Variants in IL15RA observed in about 807,000 individuals in gnomAD.
The protein encoded by IL15RA is interleukin 15 receptor subunit alpha, also known as interleukin-15 receptor subunit alpha.
Under a neutral mutation model 24.2 loss-of-function variants are expected in IL15RA, and 26 were observed. The ratio of observed to expected loss-of-function variants is 1.07; its 90% CI spans 0.79 to 1.49. The LOEUF (loss-of-function observed/expected upper bound fraction) is 1.49, where lower values mean the gene tolerates loss of function less well. Among genes scored for constraint, IL15RA ranks in the 40% most tolerant of loss-of-function variants. The probability of loss-of-function intolerance (pLI) is 0.00; values close to 1 mark genes in which losing one functional copy is unlikely to be tolerated. For synonymous variants in IL15RA, 166 were observed against 157.6 expected (o/e 1.05, Z -0.40); for missense variants, 354 against 356.4 (o/e 0.99, Z 0.05).
intron 1 of IL15RA, 53 bp downstream of exon 1, chr10:5,977,352 G>T: frequency 2.2e-6 from 2 of 896,440 alleles, no homozygotes; most frequent in African/African-American, 1.8e-5. Flanking sequence ...CCAGCTCCAC[G>T]TCCCGGCCCC....
Position 5,968,796 on chromosome 10 carries a change from C to T in IL15RA, c.89-2457G>A, listed in dbSNP as rs559277033. 687 of 713,560 alleles carry T rather than the reference C, an allele frequency of 9.6e-4. 1 individual carries two copies. Among genetic ancestry groups the T allele is most frequent in the Middle Eastern group, 8.9e-3 (39 of 4,396 alleles). 44.2% of individuals were successfully genotyped at this position (713,560 alleles called of 1,614,324 possible). A position where few individuals can be genotyped will look rare whatever the true frequency, so the allele number is the denominator to read the frequency against. On this transcript the variant is annotated intron_variant, in intron 1 of 6. Transcript: ENST00000379977. This position sits in a 1 kb window ranked among gnomAD's most constrained non-coding sequence, Gnocchi z 5.4. ...GCTACCTGCTTGCTGCCTGCTTGTC[C>T]GATGGTGGTGGCACTGGGGGCAGTT...
upstream of IL15RA, among the ~76,000 whole-genome samples, chr10:5,978,637 T>C (rs562835029): frequency 6.6e-6 from 1 of 152,320 alleles, no homozygotes; most frequent in African/African-American, 2.4e-5. The surrounding 1 kb of genome is among the most constrained non-coding windows in gnomAD (Gnocchi z 5.2). Context: ...TGGCCACTCC[T>C]GAAATCCAAG....
At position 5,977,485 on chromosome 10, in the gene IL15RA, G is replaced by T; in HGVS notation, c.8C>A (p.Pro3Gln). 1 of 1,356,218 alleles carries T rather than the reference G, an allele frequency of 7.4e-7. No homozygotes were observed. Among genetic ancestry groups the T allele is most frequent in the Non-Finnish European group, 9.5e-7 (1 of 1,056,070 alleles). The allele number at this position is 1,356,218 out of a possible 1,614,324, so 84.0% of individuals were successfully genotyped here. MA[P>Q]RRARGCRTLG... Reference sequence around the variant, plus strand: ...GGTCCGGCAGCCGCGCGCCCGCCGCGGGGCCATGGCGGCAGCTCCACAGGA... The same window carrying T: ...GGTCCGGCAGCCGCGCGCCCGCCGCTGGGCCATGGCGGCAGCTCCACAGGA... Residue 3 changes from proline (P) to glutamine (Q), a missense_variant, in exon 1 of 7, where the codon CCG becomes CAG. Transcript: ENST00000379977.
rs1837572565 is a variant in IL15RA at position 5,971,330 on chromosome 10, TACA to T, written c.89-4994_89-4992del. The stretch of plus-strand genomic sequence containing the variant: ...AACTCTGAAGTAGCCAAAAAACATA[TACA>T]ACAAGTCCTAACGATCATTTAAATG... On this transcript the variant is annotated intron_variant, in intron 1 of 6. Transcript: ENST00000379977. The surrounding 1 kb of genome is among the most constrained non-coding windows in gnomAD (Gnocchi z 5.5). Among the ~76,000 whole-genome samples, 1 of 152,194 alleles carries T rather than the reference TACA, an allele frequency of 6.6e-6. No homozygotes were observed. The highest frequency in any genetic ancestry group is 2.1e-4 in the South Asian group (1 of 4,830).
At position 5,975,263 on chromosome 10, in the gene IL15RA, G is replaced by T. The variant is rs1838243719; in HGVS notation, c.88+2142C>A. 6.6e-6 allele frequency among the ~76,000 whole-genome samples: 1 copy of T among 152,176 alleles called. No homozygotes were observed. The highest frequency in any genetic ancestry group is 2.1e-4 in the South Asian group (1 of 4,830). The stretch of plus-strand genomic sequence containing the variant: ...CTACTACTCAATGGTAGAAACTAAT[G>T]AACTACTTATACAAATTACAACATG... On this transcript the variant is annotated intron_variant, in intron 1 of 6. Coordinates refer to ENST00000379977, the MANE Select transcript of IL15RA (RefSeq NM_002189.4). The surrounding 1 kb of genome is among the most constrained non-coding windows in gnomAD (Gnocchi z 4.8).
chr10:5,968,501 G>A lies in IL15RA; in HGVS notation c.89-2162C>T. ...CCGCCACTACTCCCCATTCCAATGA[G>A]GACACATCTTCTGCTAAGCTGATGG... On this transcript the variant is annotated intron_variant, in intron 1 of 6. Transcript: ENST00000379977. The surrounding 1 kb of genome is among the most constrained non-coding windows in gnomAD (Gnocchi z 5.4). 2.2e-6 allele frequency: 1 copy of A among 457,076 alleles called. No individual in the cohort carries two copies. The highest frequency in any genetic ancestry group is 4.0e-6 in the Non-Finnish European group (1 of 250,146). The allele number at this position is 457,076 out of a possible 1,614,324, so 28.3% of individuals were successfully genotyped here.
Position 5,977,497 on chromosome 10 carries a change from G to T in IL15RA, c.-5C>A. ...GCGCGCCCGCCGCGGGGCCATGGCG[G>T]CAGCTCCACAGGACACCGCTGGACT... On this transcript the variant is annotated 5_prime_UTR_variant, in exon 1 of 7. Transcript: ENST00000379977. 7.4e-6 allele frequency: 10 copies of T among 1,351,074 alleles called. No individual in the cohort carries two copies. The highest frequency in any genetic ancestry group is 9.5e-6 in the Non-Finnish European group (10 of 1,053,142). The allele number at this position is 1,351,074 out of a possible 1,614,324, so 83.7% of individuals were successfully genotyped here.
rs187222335 is a variant in IL15RA at position 5,961,071 on chromosome 10, C to T, written c.383-504G>A. Among the ~76,000 whole-genome samples, 15 of 152,266 alleles carry T rather than the reference C, an allele frequency of 9.9e-5. No homozygotes were observed. Among genetic ancestry groups the T allele is most frequent in the Middle Eastern group, 3.4e-3 (1 of 294 alleles). ...CTGGAATTACAGGTGTCCACCACCA[C>T]GCCCAGCTAATTTTTGTATTTTTAA... is the stretch of plus-strand genomic sequence containing the variant. On this transcript the variant is annotated intron_variant, in intron 3 of 6. Coordinates refer to ENST00000379977, the MANE Select transcript of IL15RA (RefSeq NM_002189.4). This position sits in a 1 kb window ranked among gnomAD's most constrained non-coding sequence, Gnocchi z 5.2.
chr10:5,963,852 G>T lies in IL15RA; in HGVS notation c.284-11C>A, dbSNP rs1422563419. 6.5e-7 allele frequency: 1 copy of T among 1,539,186 alleles called. No individual in the cohort carries two copies. Among genetic ancestry groups the T allele is most frequent in the Middle Eastern group, 1.7e-4 (1 of 5,926 alleles). On this transcript the variant is annotated splice_polypyrimidine_tract_variant and intron_variant, in intron 2 of 6. Transcript: ENST00000379977. The surrounding 1 kb of genome is among the most constrained non-coding windows in gnomAD (Gnocchi z 5.3). ...CCAGGGCAGGGTCTCCTAGAGAGAG[G>T]ATAACCACATGGCACTTATGATCCT...
downstream of IL15RA, among the ~76,000 whole-genome samples, chr10:5,952,181 G>A (rs1318912489): frequency 6.6e-6 from 1 of 152,182 alleles, no homozygotes; most frequent in East Asian, 1.9e-4. Flanking sequence ...TTGCCACTGT[G>A]TGGATTAGAT....
rs965568915 is a variant in IL15RA at position 5,973,957 on chromosome 10, T to G, written c.88+3448A>C. 1.3e-5 allele frequency among the ~76,000 whole-genome samples: 2 copies of G among 151,420 alleles called. No individual in the cohort carries two copies. The highest frequency in any genetic ancestry group is 2.1e-4 in the South Asian group (1 of 4,808). On this transcript the variant is annotated intron_variant, in intron 1 of 6. Transcript: ENST00000379977. The surrounding 1 kb of genome is among the most constrained non-coding windows in gnomAD (Gnocchi z 4.5). ...CGTATCCAGAATATATAAAGAACTC[T>G]CAAAATTCAGTAATGATACAATTCA... is the stretch of plus-strand genomic sequence containing the variant.
In IL15RA at chr10:5,966,227, G is replaced by A. The variant is rs368368185; in HGVS notation, c.201C>T (p.Ala67=). 4.8e-5 allele frequency: 78 copies of A among 1,614,000 alleles called. No individual in the cohort carries two copies. Among genetic ancestry groups the A allele is most frequent in the South Asian group, 2.4e-4 (22 of 91,082 alleles). ...CGCACTCCGTCAGGCTGGACGTGCC[G>A]GCTTTACGCTTGAAACCAGAGTTAC... The part of the protein sequence containing the change: ...YICNSGFKRK[A]GTSSLTECVL... Residue 67 remains alanine, a synonymous_variant, in exon 2 of 7, where the codon GCC becomes GCT. Transcript: ENST00000379977. The surrounding 1 kb of genome is among the most constrained non-coding windows in gnomAD (Gnocchi z 6.4).
Position 5,963,692 on chromosome 10 carries a change from C to T in IL15RA, c.382+51G>A, listed in dbSNP as rs373144241. 1.6e-4 allele frequency: 198 copies of T among 1,226,146 alleles called. 1 individual carries two copies. Among genetic ancestry groups the T allele is most frequent in the Non-Finnish European group, 1.8e-4 (158 of 898,420 alleles). 76.0% of individuals were successfully genotyped at this position (1,226,146 alleles called of 1,614,324 possible). On this transcript the variant is annotated intron_variant, in intron 3 of 6. Transcript: ENST00000379977. The surrounding 1 kb of genome is among the most constrained non-coding windows in gnomAD (Gnocchi z 5.3). ...GTCTGCAGGATTGGTGAGCGGGCCT[C>T]TGGGTGTTGGGAGGGAATGAATGTC...
Position 5,955,259 on chromosome 10 carries a change from C to T in IL15RA, c.692+1120G>A, listed in dbSNP as rs1476690583. Among the ~76,000 whole-genome samples the T allele has an allele frequency of 6.6e-6, 1 of 151,992 alleles. No homozygotes were observed. ...GCATTACAGGCATGCACCACCATGG[C>T]CTGCTTATTTTGTATTTTTAGTAGA... On this transcript the variant is annotated intron_variant, in intron 6 of 6. Coordinates refer to ENST00000379977, the MANE Select transcript of IL15RA (RefSeq NM_002189.4). The surrounding 1 kb of genome is among the most constrained non-coding windows in gnomAD (Gnocchi z 5.3).
chr10:5,971,785 A>T lies in IL15RA; in HGVS notation c.89-5446T>A, dbSNP rs1445668814. On this transcript the variant is annotated intron_variant, in intron 1 of 6. Transcript: ENST00000379977. This position sits in a 1 kb window ranked among gnomAD's most constrained non-coding sequence, Gnocchi z 5.5. Reference sequence around the variant, plus strand: ...TCCTTTTGGAGTTCCCAAAAAGTACAGACTGTCTCCAGCTCACTGCCTGAA... The same window carrying T: ...TCCTTTTGGAGTTCCCAAAAAGTACTGACTGTCTCCAGCTCACTGCCTGAA... Among the ~76,000 whole-genome samples, 1 of 152,224 alleles carries T rather than the reference A, an allele frequency of 6.6e-6. No individual in the cohort carries two copies. Among genetic ancestry groups the T allele is most frequent in the Non-Finnish European group, 1.5e-5 (1 of 68,050 alleles).
chr10:5,956,462 G>C lies in IL15RA; in HGVS notation c.617-8C>G. Reference sequence around the variant, plus strand: ...TGGACGTGGAGATAGCCACTGAAAGGGAGGAGACCACGCTGAGATACCCAG... The same window carrying C: ...TGGACGTGGAGATAGCCACTGAAAGCGAGGAGACCACGCTGAGATACCCAG... On this transcript the variant is annotated splice_polypyrimidine_tract_variant and splice_region_variant and intron_variant, in intron 5 of 6. Transcript: ENST00000379977. 2 of 1,609,050 alleles carry C rather than the reference G, an allele frequency of 1.2e-6. No homozygotes were observed. Among genetic ancestry groups the C allele is most frequent in the Non-Finnish European group, 1.7e-6 (2 of 1,175,378 alleles).
rs1449119146 is a variant in IL15RA at position 5,956,467 on chromosome 10, A to C, written c.617-13T>G. On this transcript the variant is annotated splice_polypyrimidine_tract_variant and intron_variant, in intron 5 of 6. Coordinates refer to ENST00000379977, the MANE Select transcript of IL15RA (RefSeq NM_002189.4). ...GTGGAGATAGCCACTGAAAGGGAGGAGACCACGCTGAGATACCCAGAAGCA... is the reference window on the plus strand; with the variant it reads ...GTGGAGATAGCCACTGAAAGGGAGGCGACCACGCTGAGATACCCAGAAGCA... 5 of 1,603,800 alleles carry C rather than the reference A, an allele frequency of 3.1e-6. No individual in the cohort carries two copies. The highest frequency in any genetic ancestry group is 4.3e-6 in the Non-Finnish European group (5 of 1,170,610).
At position 5,964,761 on chromosome 10, in the gene IL15RA, C is replaced by T. The variant is rs8177689; in HGVS notation, c.284-920G>A. On this transcript the variant is annotated intron_variant, in intron 2 of 6. Coordinates refer to ENST00000379977, the MANE Select transcript of IL15RA (RefSeq NM_002189.4). This position sits in a 1 kb window ranked among gnomAD's most constrained non-coding sequence, Gnocchi z 5.6. ...CAGTGAGAAAGCCCTCATTTTACCT[C>T]GGGCAGACAGGTTCCAGGGAGTCCC... 3.1e-4 allele frequency among the ~76,000 whole-genome samples: 47 copies of T among 152,314 alleles called. No homozygotes were observed. Among genetic ancestry groups the T allele is most frequent in the African/African-American group, 9.1e-4 (38 of 41,560 alleles).
downstream of IL15RA, among the ~76,000 whole-genome samples, chr10:5,951,488 GCT>G (rs1564478172): frequency 6.6e-6 from 1 of 152,146 alleles, no homozygotes; most frequent in Non-Finnish European, 1.5e-5. Flanking sequence ...AGCCAGGACT[GCT>G]CCCCTCCCGC....
Sources: allele counts gnomAD v4.1 joint callset (sites outside exome capture counted in the v4.1 genomes callset), GRCh38; gene constraint gnomAD v4.1.1; non-coding constraint Gnocchi (gnomAD v3.1); transcripts MANE v1.5; gene names NCBI Gene and HGNC (gene_info 2026-07-23, HGNC 2026-07-21).